Variants in FGD6 observed in about 807,000 individuals in gnomAD.
FGD6 encodes the protein FYVE, RhoGEF and PH domain containing 6.
In FGD6, 90 loss-of-function variants were observed where a neutral mutation model predicts 149.4. That is an observed-to-expected ratio of 0.60 (90% CI 0.51 to 0.72). The LOEUF (loss-of-function observed/expected upper bound fraction) is 0.72, where lower values mean the gene tolerates loss of function less well. Ranked by LOEUF, FGD6 falls within the 30% of genes least tolerant of loss-of-function variation. FGD6 has a pLI of 0.00. For synonymous variants in FGD6, 527 were observed against 584.0 expected (o/e 0.90, Z 1.41); for missense variants, 1,437 against 1,684.8 (o/e 0.85, Z 2.57).
At chr12:95,123,332 A>C (rs1879247057) in intron 8 of FGD6, among the ~76,000 whole-genome samples, 1 of 152,050 alleles carries the variant, frequency 6.6e-6, no homozygotes, top group African/African-American at 2.4e-5. Flanking sequence ...TCCTTGTCCA[A>C]GAATTATGTA....
rs527269984 is a variant in FGD6, at chr12:95,139,439, C to CA, written c.2838-1762dup. ...CTGGGCAAGAGGTGAAAATCTGTCT[C>CA]AAAAAAAAAAAATCGGAAGCAAATA... On this transcript the variant is annotated intron_variant, in intron 6 of 20. Coordinates refer to ENST00000343958, the MANE Select transcript of FGD6 (RefSeq NM_018351.4). Among the ~76,000 whole-genome samples the CA allele has an allele frequency of 4.4e-3, 508 of 116,604 alleles. 2 individuals carry two copies. Among genetic ancestry groups the CA allele is most frequent in the African/African-American group, 0.012 (384 of 31,430 alleles). The allele number at this position is 116,604 out of a possible 152,430, so 76.5% of individuals were successfully genotyped here. A position where few individuals can be genotyped will look rare whatever the true frequency, so the allele number is the denominator to read the frequency against.
At chr12:95,096,415 A>C (rs1878233341) in intron 14 of FGD6, among the ~76,000 whole-genome samples, 1 of 152,218 alleles carries the variant, frequency 6.6e-6, no homozygotes, top group South Asian at 2.1e-4. Context: ...TAAAATTTTA[A>C]ATCAAATTAA....
intron 17 of FGD6, among the ~76,000 whole-genome samples, chr12:95,091,258 G>A (rs969315893): frequency 5.9e-5 from 9 of 152,040 alleles, no homozygotes; most frequent in Non-Finnish European, 1.2e-4. Context: ...TTTTGTGTTC[G>A]GTCAAAAAGC....
At position 95,209,031 on chromosome 12, in the gene FGD6, T is replaced by C. The variant is rs1466287999; in HGVS notation, c.2253A>G (p.Ile751Met). The C allele has an allele frequency of 2.5e-6, 4 of 1,614,180 alleles. No individual in the cohort carries two copies. Among genetic ancestry groups the C allele is most frequent in the Non-Finnish European group, 3.4e-6 (4 of 1,180,034 alleles). ...ACTCTGGTATTTCCTCATAATGGCG[T>C]ATATTTTCATACTCCGGTGCACAGA... The part of the protein sequence containing the change: ...TSLCAPEYEN[I>M]RHYEEIPEYE... The change falls in exon 2 of 21, where the codon ATA (isoleucine) becomes ATG (methionine). Residue 751 changes from isoleucine to methionine, a missense_variant. By Grantham distance (10) the Ile-to-Met change is conservative (BLOSUM62 1). This residue lies in a region of FGD6 where 1,055 missense variants were observed against 1,146.0 expected (regional missense o/e 0.92). Coordinates refer to ENST00000343958, the MANE Select transcript of FGD6 (RefSeq NM_018351.4).
intron 5 of FGD6, among the ~76,000 whole-genome samples, chr12:95,152,126 G>A (rs1453361508): frequency 6.6e-6 from 1 of 152,066 alleles, no homozygotes; most frequent in Non-Finnish European, 1.5e-5. Context: ...ATGAGTTTGA[G>A]ATCAGCCCGG....
intron 1 of FGD6, among the ~76,000 whole-genome samples, chr12:95,214,703 C>G (rs928457154): frequency 9.9e-5 from 15 of 152,174 alleles, no homozygotes; most frequent in Admixed American, 3.9e-4. Context: ...ACATACTCGT[C>G]ATCTGTTACA....
At chr12:95,112,132 G>C (rs958643333) in intron 9 of FGD6, among the ~76,000 whole-genome samples, 1 of 152,032 alleles carries the variant, frequency 6.6e-6, no homozygotes, top group Non-Finnish European at 1.5e-5. Flanking sequence ...TACTTGGAGG[G>C]CTGAGGCAAG....
chr12:95,187,013 T>C (rs1025708611), intron 2 of FGD6, among the ~76,000 whole-genome samples: 7 of 152,208 alleles, frequency 4.6e-5, no homozygotes, highest in Non-Finnish European at 8.8e-5. Context: ...CTCTTGTATA[T>C]ACTTAAAAGT....
intron 2 of FGD6, among the ~76,000 whole-genome samples, chr12:95,204,557 T>C (rs2056683984): frequency 6.6e-6 from 1 of 152,026 alleles, no homozygotes; most frequent in Non-Finnish European, 1.5e-5. Flanking sequence ...AGCCCCCAGT[T>C]TCCTCATTCT....
rs373355372 is a variant in FGD6 at position 95,190,778 on chromosome 12, T to C, written c.2442-18034A>G. 1.4e-4 allele frequency among the ~76,000 whole-genome samples: 22 copies of C among 152,260 alleles called. No homozygotes were observed. In the East Asian group the frequency reaches 3.5e-3, roughly 24 times the overall value. ...ATATGTAAAAATTTTGGGCGAGGCA[T>C]GGTGGCTCACACCTGTAACCCCAGC... On this transcript the variant is annotated intron_variant, in intron 2 of 20. Transcript: ENST00000343958.
intron 1 of FGD6, 33 bp downstream of exon 1, chr12:95,217,192 C>T (rs778015769): frequency 6.2e-7 from 1 of 1,612,272 alleles, no homozygotes; most frequent in South Asian, 1.1e-5. Context: ...TCGCCACAAA[C>T]TTTCCCGCGG....
chr12:95,106,668 G>C (rs987777303), intron 13 of FGD6, among the ~76,000 whole-genome samples: 2 of 152,098 alleles, frequency 1.3e-5, no homozygotes, highest in African/African-American at 2.4e-5. Flanking sequence ...GGCCAAGGCA[G>C]GCTGATCACC....
intron 3 of FGD6, among the ~76,000 whole-genome samples, chr12:95,169,282 G>A (rs1880918352): frequency 6.6e-6 from 1 of 152,040 alleles, no homozygotes; most frequent in Middle Eastern, 3.4e-3. Context: ...GGGAATGTCT[G>A]TAACACAATC....
rs66485554 is a variant in FGD6 at position 95,153,950 on chromosome 12, TGAGAGA to T, written c.2587-963_2587-958del. Reference sequence around the variant, plus strand: ...GTGTGTGTGTGTGTGTGTGTGTGAGTGAGAGAGAGAAGAGACAGAGAGAGAGAGAGA... The same window carrying T: ...GTGTGTGTGTGTGTGTGTGTGTGAGTGAGAAGAGACAGAGAGAGAGAGAGA... On this transcript the variant is annotated intron_variant, in intron 3 of 20. Coordinates refer to ENST00000343958, the MANE Select transcript of FGD6 (RefSeq NM_018351.4). 1.2e-3 allele frequency among the ~76,000 whole-genome samples: 168 copies of T among 141,284 alleles called. 1 individual carries two copies. The highest frequency in any genetic ancestry group is 3.3e-3 in the African/African-American group (124 of 38,064). 92.7% of individuals were successfully genotyped at this position (141,284 alleles called of 152,430 possible).
chr12:95,217,089 C>A, intron 1 of FGD6, 136 bp downstream of exon 1: 1 of 1,370,334 alleles, frequency 7.3e-7, no homozygotes. Context: ...CCCATTAGCT[C>A]CGCGCTTGCC....
intron 8 of FGD6, among the ~76,000 whole-genome samples, chr12:95,130,257 G>T (rs1879481436): frequency 6.6e-6 from 1 of 152,116 alleles, no homozygotes; most frequent in Non-Finnish European, 1.5e-5. Context: ...TTTCTAAAAG[G>T]ATTCCAGAAG....
At chr12:95,171,611 G>A (rs1015616284) in intron 3 of FGD6, among the ~76,000 whole-genome samples, 3 of 152,152 alleles carry the variant, frequency 2.0e-5, no homozygotes, top group Non-Finnish European at 4.4e-5. Flanking sequence ...CGCCTCCCGG[G>A]TTCACGCCAT....
rs191920692 is a variant in FGD6 at position 95,124,191 on chromosome 12, C to T, written c.3083-10490G>A. ...CCTCCCAAAGAGCTGGGATTACAGG[C>T]GTGAGCCACCGTACCTGGCCTGAGA... On this transcript the variant is annotated intron_variant, in intron 8 of 20. Transcript: ENST00000343958. Among the ~76,000 whole-genome samples, 1,012 of 152,114 alleles carry T rather than the reference C, an allele frequency of 6.7e-3. 31 individuals carry two copies. The highest frequency in any genetic ancestry group is 0.061 in the Admixed American group (927 of 15,260).
chr12:95,206,869 AGACT>A (rs1477201080), intron 2 of FGD6, among the ~76,000 whole-genome samples: 1 of 152,180 alleles, frequency 6.6e-6, no homozygotes, highest in African/African-American at 2.4e-5. Context: ...AGGGCAGGAA[AGACT>A]GACTACGAGT....
Sources: allele counts gnomAD v4.1 joint callset (sites outside exome capture counted in the v4.1 genomes callset), GRCh38; gene constraint gnomAD v4.1.1; regional missense constraint gnomAD v4.1.1; transcripts MANE v1.5; gene names NCBI Gene and HGNC (gene_info 2026-07-23, HGNC 2026-07-21).